MICAL2: variants seen among roughly 807,000 people sequenced by gnomAD.
MICAL2 encodes the protein microtubule associated monooxygenase, calponin and LIM domain containing 2.
MICAL2 carries 77 observed loss-of-function variants against 127.3 expected under a neutral mutation model. The observed-to-expected ratio is 0.60, with a 90% confidence interval of 0.50 to 0.73. MICAL2 has a LOEUF of 0.73. Among genes scored for constraint, MICAL2 ranks in the 30% least tolerant of loss-of-function variants. MICAL2 has a pLI of 0.00. For synonymous variants in MICAL2, 570 were observed against 551.1 expected (o/e 1.03, Z -0.48); for missense variants, 1,351 against 1,434.4 (o/e 0.94, Z 0.94).
At position 12,336,855 on chromosome 11, in the gene MICAL2, CAGTATTTTATTG is replaced by C. The variant is rs1211243079; in HGVS notation, c.5515+9592_5515+9603del. Among the ~76,000 whole-genome samples, 9 of 152,058 alleles carry C rather than the reference CAGTATTTTATTG, an allele frequency of 5.9e-5. No homozygotes were observed. The South Asian group carries it at 1.7e-3, about 28-fold the overall frequency. On this transcript the variant is annotated intron_variant, in intron 32 of 34. Coordinates refer to the MICAL2 transcript ENST00000646065. ...TGCTGTGCTGCTGGATTCAGTTTGC[CAGTATTTTATTG>C]AGGATTTTTGCATCAGTGTTCATCA...
At chr11:12,130,467 G>A (rs1851322348) in intron 1 of MICAL2, among the ~76,000 whole-genome samples, 1 of 152,164 alleles carries the variant, frequency 6.6e-6, no homozygotes, top group Non-Finnish European at 1.5e-5. Context: ...TAGCCAAGGT[G>A]GGACTAAACC....
chr11:12,155,395 A>G (rs550953473), intron 2 of MICAL2, among the ~76,000 whole-genome samples: 2 of 152,340 alleles, frequency 1.3e-5, no homozygotes, highest in East Asian at 3.9e-4. Flanking sequence ...GAATACACAT[A>G]CATATGTGCT....
intron 13 of MICAL2, 28 bp downstream of exon 13, chr11:12,224,848 G>A: frequency 2.5e-6 from 4 of 1,590,864 alleles, no homozygotes; most frequent in South Asian, 2.2e-5. Flanking sequence ...GCTGGCCCCT[G>A]GAGACGAGGG....
chr11:12,325,419 G>T (rs538257807), intron 31 of MICAL2, among the ~76,000 whole-genome samples: 2 of 152,264 alleles, frequency 1.3e-5, no homozygotes, highest in African/African-American at 4.8e-5. Context: ...CTCATCCTTA[G>T]TGTCTAAAGA....
chr11:12,201,777 T>C (rs931412755), intron 3 of MICAL2, among the ~76,000 whole-genome samples: 2 of 152,210 alleles, frequency 1.3e-5, no homozygotes, highest in African/African-American at 4.8e-5. Flanking sequence ...TGCCCACATG[T>C]CCCAAATGCC....
intron 27 of MICAL2, 183 bp downstream of exon 27, chr11:12,262,720 C>G: frequency 1.7e-6 from 1 of 588,490 alleles, no homozygotes. Context: ...GAGACCCATG[C>G]CTGTGTTCAT....
At chr11:12,174,048 C>T (rs60218402) in intron 3 of MICAL2, among the ~76,000 whole-genome samples, 2,940 of 152,076 alleles carry the variant, frequency 0.019, 118 homozygotes, top group African/African-American at 0.067. Context: ...AAATTTTAGT[C>T]AGAAATACTT....
chr11:12,184,615 A>G (rs1857923980), intron 3 of MICAL2, among the ~76,000 whole-genome samples: 1 of 152,216 alleles, frequency 6.6e-6, no homozygotes. Context: ...ACAGTATTAA[A>G]CCAAGCCTAC....
Position 12,139,289 on chromosome 11 carries a change from G to A in MICAL2, c.-78+829G>A, listed in dbSNP as rs569321189. 2.0e-5 allele frequency among the ~76,000 whole-genome samples: 3 copies of A among 152,300 alleles called. No individual in the cohort carries two copies. In the East Asian group the frequency reaches 5.8e-4, roughly 29 times the overall value. ...ACCATATATCTGTGTTTACAGGAGG[G>A]TGAAGAACTTACAGAAAGCCATGAG... On this transcript the variant is annotated intron_variant, in intron 2 of 27. Coordinates refer to ENST00000683283, the MANE Select transcript of MICAL2 (RefSeq NM_001282663.2).
intron 10 of MICAL2, 133 bp from the exon 11 acceptor site, chr11:12,222,484 T>C: frequency 8.4e-7 from 1 of 1,196,732 alleles, no homozygotes; most frequent in South Asian, 1.5e-5. Flanking sequence ...GAGAGTCAGG[T>C]ATTTCAGGGA....
downstream of MICAL2, chr11:12,294,826 T>A (rs755548368): frequency 7.9e-6 from 12 of 1,512,410 alleles, no homozygotes; most frequent in Admixed American, 1.6e-4. Context: ...CTCCTCCTCC[T>A]CCTCCTCCTC....
At chr11:12,188,604 A>C (rs1286684499) in intron 3 of MICAL2, among the ~76,000 whole-genome samples, 2 of 152,062 alleles carry the variant, frequency 1.3e-5, no homozygotes, top group Non-Finnish European at 2.9e-5. Context: ...GCACTGTTTT[A>C]CTCTCACTTT....
At chr11:12,359,942 C>G (rs182130731), downstream of MICAL2, among the ~76,000 whole-genome samples, 1 of 152,088 alleles carries the variant, frequency 6.6e-6, no homozygotes, top group Non-Finnish European at 1.5e-5. Flanking sequence ...CTGTCAGAGA[C>G]GCTCTCTGCA....
chr11:12,114,442 G>A (rs1271958142), intron 1 of MICAL2, among the ~76,000 whole-genome samples: 1 of 152,168 alleles, frequency 6.6e-6, no homozygotes, highest in Non-Finnish European at 1.5e-5. Flanking sequence ...TTGGTATGCC[G>A]CATTAGGCCG....
intron 26 of MICAL2, chr11:12,260,698 A>G: frequency 1.0e-6 from 1 of 985,610 alleles, no homozygotes; most frequent in Non-Finnish European, 1.2e-6. Flanking sequence ...TAATTATTTT[A>G]GAAGAAGAGA....
intron 30 of MICAL2, among the ~76,000 whole-genome samples, chr11:12,321,806 C>T (rs1029770869): frequency 1.6e-4 from 24 of 152,252 alleles, no homozygotes; most frequent in Admixed American, 2.6e-4. Context: ...GCTAAGACCA[C>T]ATGATGCTGT....
At chr11:12,344,657 G>A (rs932694753) in intron 32 of MICAL2, among the ~76,000 whole-genome samples, 4 of 149,992 alleles carry the variant, frequency 2.7e-5, no homozygotes, top group Admixed American at 6.6e-5. Context: ...CTACCACTAT[G>A]CCAAGCTAAC....
At position 12,223,512 on chromosome 11, in the gene MICAL2, C is replaced by T; in HGVS notation, c.1540+11C>T. 6.2e-7 allele frequency: 1 copy of T among 1,611,190 alleles called. No homozygotes were observed. Among genetic ancestry groups the T allele is most frequent in the South Asian group, 1.1e-5 (1 of 90,998 alleles). ...ACCTCTCCAGGAAGGGTAAGCGGCC[C>T]TCCTGGGACCCTGGTGGGTGGCTGG... On this transcript the variant is annotated intron_variant, in intron 12 of 27. Transcript: ENST00000683283.
downstream of MICAL2, among the ~76,000 whole-genome samples, chr11:12,291,545 A>T (rs185322020): frequency 6.6e-6 from 1 of 151,088 alleles, no homozygotes; most frequent in Non-Finnish European, 1.5e-5. Context: ...CCTGACCAAC[A>T]GGAGCTTGGC....
Sources: gnomAD v4.1 joint callset for allele counts (sites outside exome capture counted in the v4.1 genomes callset) on GRCh38, gnomAD v4.1.1 for gene constraint, MANE v1.5 for transcripts, NCBI Gene and HGNC (gene_info 2026-07-23, HGNC 2026-07-21) for gene names.